POU6F2: variants seen among roughly 807,000 people sequenced by gnomAD.
POU6F2 encodes POU class 6 homeobox 2.
In POU6F2, 31 loss-of-function variants were observed where a neutral mutation model predicts 71.3. The ratio of observed to expected loss-of-function variants is 0.43; its 90% CI spans 0.33 to 0.59. The LOEUF is 0.59. Among genes scored for constraint, POU6F2 ranks in the 20% least tolerant of loss-of-function variants. The pLI is 0.04. For synonymous variants in POU6F2, 347 were observed against 355.7 expected (o/e 0.98, Z 0.27); for missense variants, 783 against 856.8 (o/e 0.91, Z 1.07).
intron 4 of POU6F2, among the ~76,000 whole-genome samples, chr7:39,262,975 A>G (rs1350786563): frequency 1.3e-5 from 2 of 152,150 alleles, no homozygotes; most frequent in Non-Finnish European, 2.9e-5. Context: ...CTAAGGTACC[A>G]TGTTCTGCTC....
At chr7:39,096,757 AT>A (rs1791463157) in intron 2 of POU6F2, among the ~76,000 whole-genome samples, 1 of 151,282 alleles carries the variant, frequency 6.6e-6, no homozygotes, top group Non-Finnish European at 1.5e-5. Flanking sequence ...GAAAAAAAAA[AT>A]GACTTAAAAT....
At chr7:39,289,799 A>G (rs1051364450) in intron 4 of POU6F2, among the ~76,000 whole-genome samples, 1 of 152,154 alleles carries the variant, frequency 6.6e-6, no homozygotes, top group African/African-American at 2.4e-5. Context: ...TCAGTCAGAG[A>G]TGTTACATTT....
rs1390578742 is a variant in POU6F2 at position 39,460,731 on chromosome 7, ATGC to A, written c.1658+19_1658+21del. 1 of 1,571,216 alleles carries A rather than the reference ATGC, an allele frequency of 6.4e-7. No individual in the cohort carries two copies. Among genetic ancestry groups the A allele is most frequent in the Non-Finnish European group, 8.6e-7 (1 of 1,157,730 alleles). Reference sequence around the variant, plus strand: ...CCATCTGCAGGTAACGCGCGCCTGCATGCTGTCACCTCTTCTAGCCGCCCTGGG... The same window carrying A: ...CCATCTGCAGGTAACGCGCGCCTGCATGTCACCTCTTCTAGCCGCCCTGGG... On this transcript the variant is annotated intron_variant, in intron 9 of 9. Coordinates refer to ENST00000518318, the MANE Select transcript of POU6F2 (RefSeq NM_001370959.1). This position sits in a 1 kb window ranked among gnomAD's most constrained non-coding sequence, Gnocchi z 4.4.
intron 1 of POU6F2, among the ~76,000 whole-genome samples, chr7:39,006,340 T>C (rs1490175518): frequency 6.6e-6 from 1 of 152,068 alleles, no homozygotes; most frequent in Non-Finnish European, 1.5e-5. Flanking sequence ...GGCACACACC[T>C]GTAATCCCAG....
At chr7:39,261,566 G>C (rs1277129008) in intron 4 of POU6F2, among the ~76,000 whole-genome samples, 1 of 152,130 alleles carries the variant, frequency 6.6e-6, no homozygotes, top group African/African-American at 2.4e-5. Context: ...TATCAACCCT[G>C]TTTTACAGAT....
intron 2 of POU6F2, among the ~76,000 whole-genome samples, chr7:39,104,125 C>T (rs1791629005): frequency 1.3e-5 from 2 of 152,204 alleles, no homozygotes; most frequent in Non-Finnish European, 2.9e-5. Flanking sequence ...GGTGGGAGCA[C>T]CTACCACCAG....
intron 1 of POU6F2, chr7:39,005,182 C>G (rs953347360): frequency 6.6e-6 from 1 of 152,312 alleles, no homozygotes; most frequent in Admixed American, 6.5e-5. Context: ...CTCGCCAGTG[C>G]GCCTGTTTCA....
chr7:39,416,542 T>C (rs1269337556), intron 6 of POU6F2, among the ~76,000 whole-genome samples: 1 of 152,208 alleles, frequency 6.6e-6, no homozygotes, highest in African/African-American at 2.4e-5. Flanking sequence ...GCTCCTAATG[T>C]GGCAAGACCC....
intron 2 of POU6F2, among the ~76,000 whole-genome samples, chr7:39,125,120 C>A (rs1381613300): frequency 2.0e-5 from 3 of 151,942 alleles, no homozygotes; most frequent in African/African-American, 7.3e-5. Flanking sequence ...TGCACTTTAA[C>A]TTGTATAGAA....
intron 2 of POU6F2, among the ~76,000 whole-genome samples, chr7:39,177,565 A>G (rs1793355608): frequency 6.6e-6 from 1 of 152,214 alleles, no homozygotes; most frequent in African/African-American, 2.4e-5. Flanking sequence ...TTTCATCTAC[A>G]TTGCCTCCTG....
chr7:39,183,697 A>G (rs1279747614), intron 2 of POU6F2, among the ~76,000 whole-genome samples: 1 of 152,200 alleles, frequency 6.6e-6, no homozygotes, highest in African/African-American at 2.4e-5. Context: ...CCTGGTAGCA[A>G]AAAGTTTGGG....
chr7:39,052,975 C>G (rs1162528444), intron 1 of POU6F2, among the ~76,000 whole-genome samples: 2 of 152,126 alleles, frequency 1.3e-5, no homozygotes, highest in African/African-American at 4.8e-5. Context: ...TTAGCAGCAT[C>G]AGCATCACTT....
intron 9 of POU6F2, among the ~76,000 whole-genome samples, chr7:39,461,606 A>T (rs545277033): frequency 2.6e-5 from 4 of 152,136 alleles, no homozygotes; most frequent in Non-Finnish European, 4.4e-5. Context: ...TTATACTTTT[A>T]ATGTATTCCC....
chr7:39,079,716 A>T (rs1791076476), intron 1 of POU6F2, among the ~76,000 whole-genome samples: 1 of 152,212 alleles, frequency 6.6e-6, no homozygotes, highest in African/African-American at 2.4e-5. Context: ...TTTCAGCCAC[A>T]CTAACTGCAA....
At chr7:39,419,689 T>C (rs1353557745) in intron 6 of POU6F2, among the ~76,000 whole-genome samples, 2 of 152,226 alleles carry the variant, frequency 1.3e-5, no homozygotes, top group Non-Finnish European at 2.9e-5. Context: ...GGGGTTGTTG[T>C]AAAAAGTAAA....
chr7:39,359,776 A>G (rs1456563084), intron 5 of POU6F2, among the ~76,000 whole-genome samples: 5 of 152,224 alleles, frequency 3.3e-5, no homozygotes, highest in Non-Finnish European at 7.3e-5. Flanking sequence ...TCCATACTAA[A>G]AAGAATCAGT....
chr7:39,020,781 T>A (rs891088324), intron 1 of POU6F2, among the ~76,000 whole-genome samples: 1 of 151,046 alleles, frequency 6.6e-6, no homozygotes, highest in East Asian at 1.9e-4. Flanking sequence ...AGGTTAGATT[T>A]TTTTTTTTTA....
intron 1 of POU6F2, among the ~76,000 whole-genome samples, chr7:39,038,909 C>T (rs1790120828): frequency 6.6e-6 from 1 of 151,818 alleles, no homozygotes; most frequent in East Asian, 1.9e-4. Context: ...AATATTAGGT[C>T]ACCACAGAGA....
intron 9 of POU6F2, among the ~76,000 whole-genome samples, chr7:39,463,253 G>A (rs1418271541): frequency 3.3e-5 from 5 of 152,226 alleles, no homozygotes; most frequent in Non-Finnish European, 7.3e-5. Flanking sequence ...TTTTGTCCAA[G>A]ACGCTTCATA....
Sources: allele counts gnomAD v4.1 joint callset (sites outside exome capture counted in the v4.1 genomes callset), GRCh38; gene constraint gnomAD v4.1.1; non-coding constraint Gnocchi (gnomAD v3.1); transcripts MANE v1.5; gene names NCBI Gene and HGNC (gene_info 2026-07-23, HGNC 2026-07-21).